Variants in DEPDC4 observed in about 807,000 individuals in gnomAD.
DEPDC4 encodes the protein DEP domain-containing protein 4.
A neutral mutation model predicts 52.0 loss-of-function variants in DEPDC4; 52 were observed. That is an observed-to-expected ratio of 1.00 (90% CI 0.80 to 1.26). The LOEUF is 1.26. Ranked by LOEUF, DEPDC4 falls within the 50% of genes most tolerant of loss-of-function variation. The pLI is 0.00. For missense variants in DEPDC4, 530 were observed against 546.9 expected, an observed-to-expected ratio of 0.97 and a Z score of 0.31; for synonymous variants, 201 against 196.8, an observed-to-expected ratio of 1.02 and a Z score of -0.18.
the DEPDC4 span, among the ~76,000 whole-genome samples, chr12:100,276,654 A>G: frequency 2.0e-5 from 3 of 152,252 alleles, no homozygotes; most frequent in South Asian, 4.1e-4. Context: ...TTCTTGATCA[A>G]TATAGCTAGA....
chr12:100,272,267 G>A, the DEPDC4 span, among the ~76,000 whole-genome samples: 1 of 151,226 alleles, frequency 6.6e-6, no homozygotes, highest in Non-Finnish European at 1.5e-5. Context: ...GAAAATATAG[G>A]CTTTTTTCTT....
At chr12:100,251,911 G>A (rs576709430) in intron 7 of DEPDC4, among the ~76,000 whole-genome samples, 48 of 152,078 alleles carry the variant, frequency 3.2e-4, no homozygotes, top group African/African-American at 1.1e-3. Context: ...TGTTGCCCAG[G>A]CTGGTCTCAA....
Position 100,256,281 on chromosome 12 carries a change from C to T in DEPDC4, c.701-55G>A, listed in dbSNP as rs2096232240. 7.8e-6 allele frequency: 10 copies of T among 1,285,786 alleles called. No individual in the cohort carries two copies. In the Middle Eastern group the frequency reaches 6.4e-4, roughly 83 times the overall value. The allele number at this position is 1,285,786 out of a possible 1,614,324, so 79.6% of individuals were successfully genotyped here. A position where few individuals can be genotyped will look rare whatever the true frequency, so the allele number is the denominator to read the frequency against. On this transcript the variant is annotated intron_variant, in intron 3 of 9. Transcript: ENST00000550587. ...GATTGGTAAATAAAACATACACATTCAACCAATATTATAAATCGTTCTATT... is the reference window on the plus strand; with the variant it reads ...GATTGGTAAATAAAACATACACATTTAACCAATATTATAAATCGTTCTATT...
At chr12:100,257,446 G>A (rs2096238436) in intron 3 of DEPDC4, among the ~76,000 whole-genome samples, 2 of 151,732 alleles carry the variant, frequency 1.3e-5, no homozygotes, top group East Asian at 1.9e-4. Flanking sequence ...GAGTGCAATG[G>A]CACACCACAG....
At chr12:100,235,153 TACTC>T (rs2096139487), downstream of DEPDC4, among the ~76,000 whole-genome samples, 2 of 151,870 alleles carry the variant, frequency 1.3e-5, no homozygotes, top group South Asian at 2.1e-4. Context: ...TTGTAGGAAA[TACTC>T]AATTTAAATG....
intron 7 of DEPDC4, among the ~76,000 whole-genome samples, chr12:100,250,251 T>G (rs1298022603): frequency 1.3e-5 from 2 of 152,214 alleles, no homozygotes; most frequent in African/African-American, 4.8e-5. Flanking sequence ...AGTCTTGTGC[T>G]GTTACCCAGG....
At chr12:100,236,031 T>C (rs933769193), downstream of DEPDC4, among the ~76,000 whole-genome samples, 1 of 152,230 alleles carries the variant, frequency 6.6e-6, no homozygotes, top group Non-Finnish European at 1.5e-5. Context: ...TTCATTCCTT[T>C]TTATGGCTGC....
At chr12:100,246,690 A>G (rs2096186845) in intron 8 of DEPDC4, among the ~76,000 whole-genome samples, 1 of 152,186 alleles carries the variant, frequency 6.6e-6, no homozygotes, top group Non-Finnish European at 1.5e-5. Context: ...TAATCCCAGC[A>G]CTTTGGAAGG....
chr12:100,279,520 A>G, the DEPDC4 span, among the ~76,000 whole-genome samples: 1 of 152,178 alleles, frequency 6.6e-6, no homozygotes, highest in Non-Finnish European at 1.5e-5. Context: ...TGAATGTTAC[A>G]TTGTTTAGTA....
upstream of DEPDC4, chr12:100,267,342 T>C (rs2096278889): frequency 5.7e-6 from 2 of 351,114 alleles, no homozygotes; most frequent in South Asian, 6.3e-5. Context: ...GAGGCGTTTA[T>C]TAGGGGGGCG....
At chr12:100,269,987 CTTTT>C (rs548843835), upstream of DEPDC4, among the ~76,000 whole-genome samples, 1 of 142,988 alleles carries the variant, frequency 7.0e-6, no homozygotes, top group Non-Finnish European at 1.5e-5. Flanking sequence ...AGATTTTATA[CTTTT>C]TTTTTTTTTT....
chr12:100,252,700 A>G (rs1401480151), intron 5 of DEPDC4, among the ~76,000 whole-genome samples, 164 bp from the exon 6 acceptor site: 1 of 152,226 alleles, frequency 6.6e-6, no homozygotes, highest in Non-Finnish European at 1.5e-5. Context: ...CACACAGGAA[A>G]TTATCTTTAT....
At chr12:100,250,527 G>A (rs1335249739) in intron 7 of DEPDC4, among the ~76,000 whole-genome samples, 2 of 152,132 alleles carry the variant, frequency 1.3e-5, no homozygotes, top group African/African-American at 2.4e-5. Flanking sequence ...GCCTGAACCA[G>A]TATGTTTCCT....
the DEPDC4 span, among the ~76,000 whole-genome samples, chr12:100,281,019 GTTTTTTTTTTTTTTT>G: frequency 9.9e-5 from 5 of 50,466 alleles, no homozygotes; most frequent in Admixed American, 2.4e-4. Flanking sequence ...TACCATCAGT[GTTTTTTTTTTTTTTT>G]TTTTTTTTTT....
the DEPDC4 span, among the ~76,000 whole-genome samples, chr12:100,274,642 A>G: frequency 3.9e-5 from 6 of 152,190 alleles, no homozygotes; most frequent in Admixed American, 3.9e-4. Context: ...ATTTTTTTAC[A>G]CCTAGGAAAA....
downstream of DEPDC4, chr12:100,238,030 C>A: frequency 1.0e-6 from 1 of 979,914 alleles, no homozygotes; most frequent in Non-Finnish European, 1.2e-6. Context: ...TCGAAGAGGG[C>A]TTGGTGGCAT....
At chr12:100,267,124 C>T (rs200280200), upstream of DEPDC4, 124 of 1,589,014 alleles carry the variant, frequency 7.8e-5, no homozygotes, top group African/African-American at 1.1e-3. Context: ...ACTGGCTCCG[C>T]CTCTTCCGAA....
chr12:100,257,077 TTTTA>T (rs1214484645), intron 3 of DEPDC4, among the ~76,000 whole-genome samples: 4 of 152,194 alleles, frequency 2.6e-5, no homozygotes, highest in Admixed American at 2.0e-4. Context: ...TTATTTTTAT[TTTTA>T]TTTATTTACT....
At chr12:100,275,013 C>T in the DEPDC4 span, among the ~76,000 whole-genome samples, 2 of 152,260 alleles carry the variant, frequency 1.3e-5, no homozygotes, top group South Asian at 4.2e-4. Context: ...ATTGAATCTT[C>T]CAATTCATGA....
Sources: gnomAD v4.1 joint callset for allele counts (sites outside exome capture counted in the v4.1 genomes callset) on GRCh38, gnomAD v4.1.1 for gene constraint, MANE v1.5 for transcripts, NCBI Gene and HGNC (gene_info 2026-07-23, HGNC 2026-07-21) for gene names.